CCDC68: variants seen among roughly 807,000 people sequenced by gnomAD.
CCDC68 encodes coiled-coil domain-containing protein 68.
In CCDC68, 45 loss-of-function variants were observed where a neutral mutation model predicts 47.1. The observed-to-expected ratio is 0.96, with a 90% CI of 0.75 to 1.23. The LOEUF is 1.23. Among genes scored for constraint, CCDC68 ranks in the 50% most tolerant of loss-of-function variants. The pLI, the probability that CCDC68 is intolerant of heterozygous loss-of-function variation, is 0.00. For missense variants in CCDC68, 353 were observed against 373.6 expected (o/e 0.94, Z 0.45); for synonymous variants, 131 against 129.5 (o/e 1.01, Z -0.08).
At chr18:54,917,782 G>A (rs1332976403) in intron 10 of CCDC68, 131 bp downstream of exon 10, 3 of 660,548 alleles carry the variant, frequency 4.5e-6, no homozygotes, top group East Asian at 2.8e-5. Context: ...TGTTATACAG[G>A]CATACAATGC....
At chr18:54,910,930 C>T (rs1260096763) in intron 10 of CCDC68, among the ~76,000 whole-genome samples, 2 of 152,210 alleles carry the variant, frequency 1.3e-5, no homozygotes, top group African/African-American at 4.8e-5. Context: ...GGGGGCCTTC[C>T]AAGGCCCCCA....
At position 54,904,113 on chromosome 18, in the gene CCDC68, A is replaced by C. The variant is rs1207203390; in HGVS notation, c.*245T>G. 1 of 349,578 alleles carries C rather than the reference A, an allele frequency of 2.9e-6. No individual in the cohort carries two copies. 21.7% of individuals were successfully genotyped at this position (349,578 alleles called of 1,614,324 possible). A position where few individuals can be genotyped will look rare whatever the true frequency, so the allele number is the denominator to read the frequency against. ...TTTTTTTTTTTTAATTTAAAGCAGA[A>C]TCTGTCTTCCATCATGAGAAGGCAC... On this transcript the variant is annotated 3_prime_UTR_variant, in exon 12 of 12. Coordinates refer to ENST00000591504, the MANE Select transcript of CCDC68 (RefSeq NM_025214.3).
In CCDC68 at chr18:54,950,788, G is replaced by GTATATGTATATATATATATATATA. The variant is rs1555679025; in HGVS notation, c.-102-5312_-102-5311insTATATATATATATATATACATATA. ...CTGTGTTATTGTTATTATCTTCAGTGTATATATATATATATGATGCAATAA... is the reference window on the plus strand; with the variant it reads ...CTGTGTTATTGTTATTATCTTCAGTGTATATGTATATATATATATATATATATATATATATATATGATGCAATAA... On this transcript the variant is annotated intron_variant, in intron 1 of 11. Transcript: ENST00000591504. Among the ~76,000 whole-genome samples, 300 of 97,310 alleles carry GTATATGTATATATATATATATATA rather than the reference G, an allele frequency of 3.1e-3. 4 individuals carry two copies. Among genetic ancestry groups the GTATATGTATATATATATATATATA allele is most frequent in the African/African-American group, 0.011 (293 of 25,716 alleles). 63.8% of individuals were successfully genotyped at this position (97,310 alleles called of 152,430 possible). A position where few individuals can be genotyped will look rare whatever the true frequency, so the allele number is the denominator to read the frequency against.
chr18:54,939,465 G>A (rs2145570507), intron 4 of CCDC68, among the ~76,000 whole-genome samples: 2 of 152,158 alleles, frequency 1.3e-5, no homozygotes, highest in East Asian at 3.9e-4. Flanking sequence ...TTTCTAACAA[G>A]CTCCTGGTGA....
intron 8 of CCDC68, among the ~76,000 whole-genome samples, chr18:54,921,144 T>C (rs1472976619): frequency 6.6e-6 from 1 of 152,076 alleles, no homozygotes; most frequent in Non-Finnish European, 1.5e-5. Flanking sequence ...AGCTAAACAC[T>C]GGGCAAACAC....
Position 54,936,928 on chromosome 18 carries a change from C to G in CCDC68, c.376G>C (p.Ala126Pro), listed in dbSNP as rs771145299. The change falls in exon 6 of 12, where the codon GCT (alanine) becomes CCT (proline). Residue 126 changes from alanine (A) to proline (P), a missense_variant. Transcript: ENST00000591504. ...LQASREAGAA[A>P]LRNVAQRLFE... ...AATCTCTGGGCCACGTTTCTCAGAG[C>G]TGCTGCTCCTGCTTCTCTGGAGGCT... is the stretch of plus-strand genomic sequence containing the variant. The G allele has an allele frequency of 1.9e-6, 3 of 1,614,006 alleles. No homozygotes were observed. In the African/African-American group the frequency reaches 4.0e-5, roughly 22 times the overall value.
At chr18:54,929,003 C>A (rs2044196808) in intron 7 of CCDC68, 121 bp from the exon 8 acceptor site, 1 of 644,846 alleles carries the variant, frequency 1.6e-6, no homozygotes, top group Non-Finnish European at 2.7e-6. Context: ...TGCTGTTACT[C>A]CTCATCTTCA....
Position 54,922,419 on chromosome 18 carries a change from G to A in CCDC68, c.684-3043C>T, listed in dbSNP as rs533126713. On this transcript the variant is annotated intron_variant, in intron 8 of 11. Transcript: ENST00000591504. The stretch of plus-strand genomic sequence containing the variant: ...AAGTCCGGGGAGATTGGGAGTGTGC[G>A]AGAGGCAGGACTGAGAAATCTGCAG... Among the ~76,000 whole-genome samples the A allele has an allele frequency of 1.7e-4, 26 of 152,278 alleles. No individual in the cohort carries two copies. The South Asian group carries it at 4.4e-3, about 26-fold the overall frequency.
At chr18:54,907,750 T>C (rs1914096165) in intron 11 of CCDC68, 36 bp downstream of exon 11, 2 of 1,146,794 alleles carry the variant, frequency 1.7e-6, no homozygotes, top group South Asian at 1.2e-5. Context: ...TCAACATAGG[T>C]TGTGAAGACA....
At chr18:54,944,785 TA>T (rs1341179643) in intron 2 of CCDC68, among the ~76,000 whole-genome samples, 1 of 152,096 alleles carries the variant, frequency 6.6e-6, no homozygotes, top group East Asian at 1.9e-4. Flanking sequence ...CTTGATGAAG[TA>T]AAAAAACCTA....
chr18:54,919,138 A>C, intron 9 of CCDC68, 133 bp downstream of exon 9: 1 of 678,824 alleles, frequency 1.5e-6, no homozygotes, highest in Non-Finnish European at 2.6e-6. Flanking sequence ...GACATATTGC[A>C]TGAGAAACAA....
intron 1 of CCDC68, among the ~76,000 whole-genome samples, chr18:54,954,122 C>G (rs897556141): frequency 3.9e-4 from 58 of 150,534 alleles, no homozygotes; most frequent in Non-Finnish European, 5.9e-4. Context: ...GTGGCTCAAT[C>G]TCAGCTCACC....
intron 8 of CCDC68, among the ~76,000 whole-genome samples, chr18:54,921,635 C>A (rs1206938837): frequency 6.6e-6 from 1 of 152,170 alleles, no homozygotes; most frequent in Non-Finnish European, 1.5e-5. Context: ...GACGGGGGAA[C>A]AAGAACACGC....
chr18:54,936,675 G>A (rs981640559), intron 6 of CCDC68, among the ~76,000 whole-genome samples, 158 bp downstream of exon 6: 8 of 152,150 alleles, frequency 5.3e-5, no homozygotes, highest in African/African-American at 1.9e-4. Context: ...AGGGGTGAGA[G>A]AAATTGGCAA....
At chr18:54,906,833 G>T (rs1306473575) in intron 11 of CCDC68, among the ~76,000 whole-genome samples, 1 of 152,172 alleles carries the variant, frequency 6.6e-6, no homozygotes, top group Non-Finnish European at 1.5e-5. Flanking sequence ...GAGGCCAAAA[G>T]ATTTTAGAGG....
rs562238901 is a variant in CCDC68, at chr18:54,952,092, GA to G, written c.-102-6616del. On this transcript the variant is annotated intron_variant, in intron 1 of 11. Coordinates refer to ENST00000591504, the MANE Select transcript of CCDC68 (RefSeq NM_025214.3). ...GACATTTGCTTGTAGGACATGATTT[GA>G]AAGTGTCAATTCCCAAGCTTAGTTT... Among the ~76,000 whole-genome samples, 141 of 152,338 alleles carry G rather than the reference GA, an allele frequency of 9.3e-4. 1 individual carries two copies. Among genetic ancestry groups the G allele is most frequent in the Middle Eastern group, 3.4e-3 (1 of 294 alleles).
intron 8 of CCDC68, among the ~76,000 whole-genome samples, chr18:54,921,543 G>A (rs777702688): frequency 2.1e-4 from 32 of 152,188 alleles, no homozygotes; most frequent in African/African-American, 7.2e-4. Context: ...GGAACAGGAC[G>A]CCTACAACAT....
chr18:54,920,577 T>C (rs887354508), intron 8 of CCDC68, among the ~76,000 whole-genome samples: 2 of 152,218 alleles, frequency 1.3e-5, no homozygotes, highest in African/African-American at 4.8e-5. Flanking sequence ...GTTATTAGTT[T>C]TCATTTTGTT....
rs768564182 is a variant in CCDC68, at chr18:54,904,430, A to G, written c.951-15T>C. On this transcript the variant is annotated splice_polypyrimidine_tract_variant and intron_variant, in intron 11 of 11. Coordinates refer to ENST00000591504, the MANE Select transcript of CCDC68 (RefSeq NM_025214.3). ...TCTTCAATTCACTGTAGAAAAGACA[A>G]CACGATGATCAAAATGGAGAATGTT... The G allele has an allele frequency of 5.6e-6, 9 of 1,606,570 alleles. No individual in the cohort carries two copies. The African/African-American group carries it at 1.1e-4, about 19-fold the overall frequency.
Sources: gnomAD v4.1 joint callset for allele counts (sites outside exome capture counted in the v4.1 genomes callset) on GRCh38, gnomAD v4.1.1 for gene constraint, MANE v1.5 for transcripts, NCBI Gene and HGNC (gene_info 2026-07-23, HGNC 2026-07-21) for gene names.